The following SLC5A4 variants were observed in gnomAD, a reference collection of about 807,000 sequenced individuals.
The protein encoded by SLC5A4 is solute carrier family 5 member 4.
Under a neutral mutation model 70.3 loss-of-function variants are expected in SLC5A4, and 55 were observed. The observed-to-expected ratio is 0.78, with a 90% CI of 0.63 to 0.98. The LOEUF (loss-of-function observed/expected upper bound fraction) is 0.98. SLC5A4 is among the 50% of genes least tolerant of loss of function. The pLI, the probability that SLC5A4 is intolerant of heterozygous loss-of-function variation, is 0.00. For missense variants in SLC5A4, 735 were observed against 839.2 expected (o/e 0.88, Z 1.53); for synonymous variants, 268 against 305.7 (o/e 0.88, Z 1.29).
chr22:32,330,985 T>TG, the SLC5A4 span, among the ~76,000 whole-genome samples: 1 of 14,278 alleles, frequency 7.0e-5, no homozygotes, highest in African/African-American at 2.7e-4. Flanking sequence ...GTGTGTGTGT[T>TG]GGGGGCTCTG....
chr22:32,304,714 G>A, the SLC5A4 span, among the ~76,000 whole-genome samples: 2 of 152,162 alleles, frequency 1.3e-5, no homozygotes, highest in African/African-American at 4.8e-5. Flanking sequence ...ATTTCACAGA[G>A]CAGAAATGTT....
the SLC5A4 span, among the ~76,000 whole-genome samples, chr22:32,313,616 T>C: frequency 6.6e-6 from 1 of 152,186 alleles, no homozygotes; most frequent in African/African-American, 2.4e-5. Context: ...AGAGTCAAGT[T>C]GCAAACAAGA....
chr22:32,315,342 T>C, the SLC5A4 span, among the ~76,000 whole-genome samples: 1 of 152,114 alleles, frequency 6.6e-6, no homozygotes, highest in African/African-American at 2.4e-5. Flanking sequence ...AGAGAGGTAA[T>C]ACAAGTAAAC....
At chr22:32,336,418 T>C in the SLC5A4 span, among the ~76,000 whole-genome samples, 1 of 152,268 alleles carries the variant, frequency 6.6e-6, no homozygotes, top group African/African-American at 2.4e-5. Flanking sequence ...TAAGGCATTT[T>C]AATTAAGATT....
the SLC5A4 span, among the ~76,000 whole-genome samples, chr22:32,349,527 A>C: frequency 6.6e-6 from 1 of 152,232 alleles, no homozygotes; most frequent in Non-Finnish European, 1.5e-5. Context: ...TAAAGCACTT[A>C]GCAAATTTAA....
upstream of SLC5A4, among the ~76,000 whole-genome samples, chr22:32,256,580 C>T (rs966689613): frequency 6.6e-6 from 1 of 152,076 alleles, no homozygotes; most frequent in Non-Finnish European, 1.5e-5. Flanking sequence ...ACTCCCCATC[C>T]CTCCCTCTCT....
the SLC5A4 span, among the ~76,000 whole-genome samples, chr22:32,314,910 G>A: frequency 1.3e-5 from 2 of 152,112 alleles, no homozygotes; most frequent in African/African-American, 4.8e-5. Context: ...GGAAAGACTT[G>A]CCCCCATGAT....
At chr22:32,301,352 A>G in the SLC5A4 span, among the ~76,000 whole-genome samples, 64 of 152,280 alleles carry the variant, frequency 4.2e-4, no homozygotes, top group Non-Finnish European at 8.2e-4. Context: ...TATTTTTGCT[A>G]TTCTGATAGG....
At chr22:32,338,723 G>A in the SLC5A4 span, among the ~76,000 whole-genome samples, 12,924 of 152,158 alleles carry the variant, frequency 0.085, 725 homozygotes, top group African/African-American at 0.15. Context: ...AGGGTGCCCC[G>A]AATCCAGTGC....
chr22:32,247,144 A>G (rs1926876432), intron 5 of SLC5A4, among the ~76,000 whole-genome samples: 1 of 152,072 alleles, frequency 6.6e-6, no homozygotes, highest in African/African-American at 2.4e-5. Context: ...CTTTACATCC[A>G]TTTTTTCATA....
chr22:32,236,867 G>A (rs1242129653), intron 7 of SLC5A4, among the ~76,000 whole-genome samples: 3 of 151,952 alleles, frequency 2.0e-5, no homozygotes, highest in African/African-American at 7.3e-5. Flanking sequence ...ACCACGCCGG[G>A]CTTATTTTTT....
the SLC5A4 span, among the ~76,000 whole-genome samples, chr22:32,354,130 C>T: frequency 6.6e-6 from 1 of 150,870 alleles, no homozygotes; most frequent in Admixed American, 6.6e-5. Context: ...TGATAGCACC[C>T]AACCCGCCCC....
At chr22:32,326,965 C>A in the SLC5A4 span, among the ~76,000 whole-genome samples, 1 of 152,194 alleles carries the variant, frequency 6.6e-6, no homozygotes, top group Non-Finnish European at 1.5e-5. Context: ...CCCCCGCAGC[C>A]TCCAGCAGGG....
chr22:32,238,374 C>T (rs377669951), intron 6 of SLC5A4, among the ~76,000 whole-genome samples: 26 of 152,276 alleles, frequency 1.7e-4, no homozygotes, highest in African/African-American at 5.1e-4. Context: ...CTCAAATGCA[C>T]GAAAATGGCC....
At chr22:32,269,868 A>G in the SLC5A4 span, 2 of 600,148 alleles carry the variant, frequency 3.3e-6, no homozygotes, top group South Asian at 1.4e-5. This position sits in a 1 kb window ranked among gnomAD's most constrained non-coding sequence, Gnocchi z 4.1. Flanking sequence ...CACCGATGGC[A>G]TGCGTAGCGT....
the SLC5A4 span, among the ~76,000 whole-genome samples, chr22:32,290,309 T>C: frequency 1.5e-4 from 23 of 152,148 alleles, no homozygotes; most frequent in Non-Finnish European, 2.6e-4. Flanking sequence ...CCATGTGTTC[T>C]CACTGTTCAA....
chr22:32,300,376 A>T, the SLC5A4 span, among the ~76,000 whole-genome samples: 314 of 152,078 alleles, frequency 2.1e-3, 4 homozygotes, highest in African/African-American at 7.1e-3. Context: ...CCGTTTTTTA[A>T]ACCAGTCGGA....
chr22:32,269,639 G>T, the SLC5A4 span: 1 of 601,290 alleles, frequency 1.7e-6, no homozygotes, highest in African/African-American at 1.8e-5. This position sits in a 1 kb window ranked among gnomAD's most constrained non-coding sequence, Gnocchi z 4.1. Flanking sequence ...CCATAGGTGG[G>T]GTGGTGGTCT....
At chr22:32,271,589 T>G in the SLC5A4 span, 4 of 683,480 alleles carry the variant, frequency 5.9e-6, no homozygotes, top group Non-Finnish European at 1.1e-5. Context: ...CGTGGCGTGT[T>G]TCCACTACTT....
Sources: gnomAD v4.1 joint callset for allele counts (sites outside exome capture counted in the v4.1 genomes callset) on GRCh38, gnomAD v4.1.1 for gene constraint, Gnocchi (gnomAD v3.1) non-coding constraint, MANE v1.5 for transcripts, NCBI Gene and HGNC (gene_info 2026-07-23, HGNC 2026-07-21) for gene names.